STK33: variants seen among roughly 807,000 people sequenced by gnomAD.
STK33 encodes serine/threonine-protein kinase 33.
STK33 carries 52 observed loss-of-function variants against 58.0 expected under a neutral mutation model. The observed-to-expected ratio is 0.90, with a 90% CI of 0.72 to 1.13. The LOEUF (loss-of-function observed/expected upper bound fraction) is 1.13. Ranked by LOEUF, STK33 falls within the 50% of genes most tolerant of loss-of-function variation. The probability of loss-of-function intolerance (pLI) is 0.00; values close to 1 mark genes in which losing one functional copy is unlikely to be tolerated. For missense variants in STK33, 630 were observed against 604.2 expected (o/e 1.04, Z -0.45); for synonymous variants, 215 against 200.1 (o/e 1.07, Z -0.63).
At chr11:8,429,028 A>G (rs558692106) in intron 14 of STK33, among the ~76,000 whole-genome samples, 38 of 152,284 alleles carry the variant, frequency 2.5e-4, no homozygotes, top group African/African-American at 9.1e-4. Context: ...CCATTCAAGC[A>G]AAAATATTAC....
At chr11:8,552,909 G>T (rs1361709761) in intron 1 of STK33, among the ~76,000 whole-genome samples, 9 of 151,640 alleles carry the variant, frequency 5.9e-5, no homozygotes, top group African/African-American at 2.2e-4. Context: ...CCAACACTTT[G>T]GGAGGCCAAG....
chr11:8,545,057 G>C lies in STK33; in HGVS notation c.-466+49026C>G, dbSNP rs186425413. Among the ~76,000 whole-genome samples, 598 of 152,290 alleles carry C rather than the reference G, an allele frequency of 3.9e-3. 2 individuals are homozygous for C. Among genetic ancestry groups the C allele is most frequent in the African/African-American group, 0.013 (554 of 41,574 alleles). ...GAGAGAAGTGAAGGGCACAACTTCTGAAAGGGAAATGATTTTTAATAAAAT... is the reference window on the plus strand; with the variant it reads ...GAGAGAAGTGAAGGGCACAACTTCTCAAAGGGAAATGATTTTTAATAAAAT... On this transcript the variant is annotated intron_variant, in intron 1 of 15. Coordinates refer to ENST00000687296, the MANE Select transcript of STK33 (RefSeq NM_001352389.2).
chr11:8,475,058 A>ACG lies in STK33; in HGVS notation c.-155_-154dup, dbSNP rs976464402. The ACG allele has an allele frequency of 1.8e-6, 1 of 558,136 alleles. No individual in the cohort carries two copies. The highest frequency in any genetic ancestry group is 3.0e-6 in the Non-Finnish European group (1 of 329,422). 34.6% of individuals were successfully genotyped at this position (558,136 alleles called of 1,614,324 possible). ...AAGGATGCACTAGACACATATTCAC[A>ACG]CGTGAGAGCTGCAGAAAGAAAAGAA... On this transcript the variant is annotated 5_prime_UTR_variant, in exon 5 of 16. It removes the in-frame stop codon of an upstream open reading frame in the 5' UTR. Transcript: ENST00000687296.
At chr11:8,569,243 A>G (rs907794648) in intron 1 of STK33, among the ~76,000 whole-genome samples, 7 of 152,248 alleles carry the variant, frequency 4.6e-5, no homozygotes, top group Admixed American at 3.9e-4. Context: ...ACCTTGTTTT[A>G]AGACTCACTA....
chr11:8,448,218 T>C (rs1945768924), intron 11 of STK33, among the ~76,000 whole-genome samples: 1 of 152,292 alleles, frequency 6.6e-6, no homozygotes. Flanking sequence ...CAAGGTAATT[T>C]ATAGATTCAA....
At chr11:8,490,494 T>A (rs1468743954) in intron 1 of STK33, among the ~76,000 whole-genome samples, 1 of 152,280 alleles carries the variant, frequency 6.6e-6, no homozygotes, top group Admixed American at 6.5e-5. Context: ...GGGCAGGGCA[T>A]AACTGAAGAA....
intron 1 of STK33, among the ~76,000 whole-genome samples, chr11:8,510,043 T>C (rs1409590727): frequency 1.3e-5 from 2 of 152,224 alleles, no homozygotes; most frequent in African/African-American, 2.4e-5. Context: ...CCAGATCAAA[T>C]GGTAGTTCTA....
At chr11:8,372,010 C>T in the STK33 span, among the ~76,000 whole-genome samples, 2 of 152,106 alleles carry the variant, frequency 1.3e-5, no homozygotes, top group African/African-American at 2.4e-5. Context: ...CTCAGCCTCC[C>T]GAGTTGCTGG....
At chr11:8,533,496 C>T (rs970307435) in intron 1 of STK33, 30 of 152,330 alleles carry the variant, frequency 2.0e-4, no homozygotes, top group African/African-American at 7.2e-4. Flanking sequence ...AGAGGAAGGT[C>T]CTAGAAGAAA....
chr11:8,464,593 C>A, intron 7 of STK33, 116 bp downstream of exon 7: 1 of 646,152 alleles, frequency 1.5e-6, no homozygotes, highest in Non-Finnish European at 2.6e-6. Context: ...GGGGATCAGC[C>A]CAGGCCTGGG....
At chr11:8,492,211 A>G (rs941756015) in intron 1 of STK33, among the ~76,000 whole-genome samples, 1 of 152,200 alleles carries the variant, frequency 6.6e-6, no homozygotes, top group Non-Finnish European at 1.5e-5. Context: ...TCTCACGTGC[A>G]GAGACACACA....
At position 8,407,930 on chromosome 11, in the gene STK33, T is replaced by G. The variant is rs571394987; in HGVS notation, c.1344+5565A>C. 3.3e-5 allele frequency among the ~76,000 whole-genome samples: 5 copies of G among 152,176 alleles called. 1 individual carries two copies. The highest frequency in any genetic ancestry group is 6.5e-5 in the Admixed American group (1 of 15,280). On this transcript the variant is annotated intron_variant, in intron 15 of 15. Coordinates refer to ENST00000687296, the MANE Select transcript of STK33 (RefSeq NM_001352389.2). ...AAAATCAAAGATAAAGAGATGACCT[T>G]GAAAGCATCCAGAGAAAAGTGACAC...
chr11:8,482,552 T>C (rs1204846418), intron 1 of STK33, among the ~76,000 whole-genome samples: 1 of 152,034 alleles, frequency 6.6e-6, no homozygotes, highest in African/African-American at 2.4e-5. Flanking sequence ...AGTATAAAAG[T>C]GATACAAAAG....
chr11:8,444,624 G>A (rs1289281766), intron 11 of STK33, among the ~76,000 whole-genome samples: 1 of 151,948 alleles, frequency 6.6e-6, no homozygotes, highest in African/African-American at 2.4e-5. Context: ...CAGGTACACA[G>A]GAGAATATGA....
chr11:8,469,246 C>T (rs1420854864), intron 6 of STK33, among the ~76,000 whole-genome samples: 1 of 152,212 alleles, frequency 6.6e-6, no homozygotes, highest in East Asian at 1.9e-4. Flanking sequence ...CCTGCCACTG[C>T]TTTATCAACT....
intron 11 of STK33, among the ~76,000 whole-genome samples, chr11:8,444,871 G>T (rs1358386064): frequency 2.6e-4 from 39 of 152,076 alleles, no homozygotes; most frequent in Admixed American, 2.6e-3. Flanking sequence ...TTATCTAAAA[G>T]GTTCATTTTT....
chr11:8,353,058 T>G, the STK33 span, among the ~76,000 whole-genome samples: 2 of 152,180 alleles, frequency 1.3e-5, no homozygotes, highest in South Asian at 4.1e-4. Flanking sequence ...GCAGGGTCTT[T>G]CACTCCCTAG....
chr11:8,364,935 C>A, the STK33 span, among the ~76,000 whole-genome samples: 404 of 151,738 alleles, frequency 2.7e-3, 2 homozygotes, highest in African/African-American at 9.3e-3. Flanking sequence ...TGTGACCCCC[C>A]CCGCCCCGCC....
the STK33 span, among the ~76,000 whole-genome samples, chr11:8,382,874 C>T: frequency 6.6e-6 from 1 of 152,204 alleles, no homozygotes; most frequent in Non-Finnish European, 1.5e-5. Flanking sequence ...TCAGACCCAA[C>T]CCCAGAGCGC....
Sources: allele counts gnomAD v4.1 joint callset (sites outside exome capture counted in the v4.1 genomes callset), GRCh38; gene constraint gnomAD v4.1.1; transcripts MANE v1.5; gene names NCBI Gene and HGNC (gene_info 2026-07-23, HGNC 2026-07-21).